The following EPHA4 variants were observed in gnomAD, a reference collection of about 807,000 sequenced individuals.
EPHA4 encodes the protein ephrin type-A receptor 4.
In EPHA4, 19 loss-of-function variants were observed where a neutral mutation model predicts 108.3. The observed-to-expected ratio is 0.18, with a 90% CI of 0.12 to 0.26. The LOEUF (loss-of-function observed/expected upper bound fraction) is 0.26, where lower values mean the gene tolerates loss of function less well. Ranked by LOEUF, EPHA4 falls within the 10% of genes least tolerant of loss-of-function variation. The pLI, the probability that EPHA4 is intolerant of heterozygous loss-of-function variation, is 1.00. For missense variants in EPHA4, 917 were observed against 1,254.0 expected, an observed-to-expected ratio of 0.73 and a Z score of 4.06; for synonymous variants, 449 against 455.5, an observed-to-expected ratio of 0.99 and a Z score of 0.18.
intron 3 of EPHA4, among the ~76,000 whole-genome samples, chr2:221,514,274 G>A (rs9288570): frequency 0.35 from 53,044 of 151,862 alleles, 11,484 homozygotes; most frequent in African/African-American, 0.62. Flanking sequence ...GCCTTTCATA[G>A]GACCACATCC....
chr2:221,500,806 T>C (rs1027047179), intron 4 of EPHA4, among the ~76,000 whole-genome samples: 3 of 152,172 alleles, frequency 2.0e-5, no homozygotes, highest in African/African-American at 7.2e-5. Flanking sequence ...AAGTAGTCTG[T>C]AGGCAGCTGT....
At chr2:221,472,732 G>A (rs1344989710) in intron 5 of EPHA4, among the ~76,000 whole-genome samples, 1 of 152,098 alleles carries the variant, frequency 6.6e-6, no homozygotes, top group Non-Finnish European at 1.5e-5. Flanking sequence ...AAGAGTAACA[G>A]CAAGAATAGA....
chr2:221,553,277 C>A lies in EPHA4; in HGVS notation c.823+10454G>T, dbSNP rs115435477. Reference sequence around the variant, plus strand: ...AGGTATTTCTGGGGATAGTTAGTTGCGAACGGTTATTAAAGGAAGAAGTCA... The same window carrying A: ...AGGTATTTCTGGGGATAGTTAGTTGAGAACGGTTATTAAAGGAAGAAGTCA... On this transcript the variant is annotated intron_variant, in intron 3 of 17. Transcript: ENST00000281821. Among the ~76,000 whole-genome samples, 981 of 152,198 alleles carry A rather than the reference C, an allele frequency of 6.4e-3. 6 individuals are homozygous for A. The highest frequency in any genetic ancestry group is 0.01 in the Non-Finnish European group (687 of 68,008).
chr2:221,507,700 T>C (rs563377886), intron 3 of EPHA4, among the ~76,000 whole-genome samples: 1 of 152,200 alleles, frequency 6.6e-6, no homozygotes, highest in Non-Finnish European at 1.5e-5. Context: ...ATCCCAAGAC[T>C]GAGATAAAGA....
chr2:221,486,768 T>TAATAAC (rs1691986969), intron 4 of EPHA4, among the ~76,000 whole-genome samples: 2 of 148,320 alleles, frequency 1.3e-5, no homozygotes, highest in African/African-American at 4.9e-5. Context: ...ATAATAATAA[T>TAATAAC]AATAATAATT....
chr2:221,432,550 G>T (rs62178655), intron 14 of EPHA4, among the ~76,000 whole-genome samples: 1 of 152,016 alleles, frequency 6.6e-6, no homozygotes, highest in African/African-American at 2.4e-5. Context: ...AGATAATACA[G>T]TGTGAACACT....
chr2:221,494,466 CATGGTGGTGCATGTCTGT>C (rs1481122200), intron 4 of EPHA4, among the ~76,000 whole-genome samples: 1 of 151,980 alleles, frequency 6.6e-6, no homozygotes, highest in Non-Finnish European at 1.5e-5. Flanking sequence ...ATTAGCTGGG[CATGGTGGTGCATGTCTGT>C]AAATCCCAGC....
At chr2:221,431,599 A>G (rs1021350976) in intron 14 of EPHA4, among the ~76,000 whole-genome samples, 2 of 152,150 alleles carry the variant, frequency 1.3e-5, no homozygotes, top group African/African-American at 4.8e-5. Context: ...CAATTACACT[A>G]CGTCAGTTTG....
At chr2:221,520,775 A>G (rs1449218626) in intron 3 of EPHA4, among the ~76,000 whole-genome samples, 2 of 152,220 alleles carry the variant, frequency 1.3e-5, no homozygotes, top group Non-Finnish European at 2.9e-5. Flanking sequence ...CGCTGAACAA[A>G]TGAAAATCAT....
chr2:221,488,460 T>C (rs985327826), intron 4 of EPHA4, among the ~76,000 whole-genome samples: 5 of 152,236 alleles, frequency 3.3e-5, no homozygotes, highest in Admixed American at 3.3e-4. Flanking sequence ...AGTTTCTCAT[T>C]GCTCTGAAAG....
chr2:221,531,023 T>C (rs979645527), intron 3 of EPHA4, among the ~76,000 whole-genome samples: 1 of 152,202 alleles, frequency 6.6e-6, no homozygotes, highest in African/African-American at 2.4e-5. Flanking sequence ...ATCAGCCAAG[T>C]GTACCCAGTT....
chr2:221,432,867 C>T (rs867116890), intron 14 of EPHA4, among the ~76,000 whole-genome samples: 2 of 148,510 alleles, frequency 1.3e-5, no homozygotes, highest in Non-Finnish European at 3.0e-5. Flanking sequence ...CTCTTTCGCC[C>T]AGGCTGGAGT....
At chr2:221,471,739 C>T (rs763548883) in intron 5 of EPHA4, among the ~76,000 whole-genome samples, 4 of 152,126 alleles carry the variant, frequency 2.6e-5, no homozygotes, top group Non-Finnish European at 5.9e-5. Context: ...GTTGACTGTT[C>T]TGTATTGGAG....
rs1358909611 is a variant in EPHA4, at chr2:221,571,774, G to A, written c.91+384C>T. The stretch of plus-strand genomic sequence containing the variant: ...AGCACCAAGCCTTCACTGTGCTCCA[G>A]GCTGCGTTTTCCCCTCGCCCCGGGC... On this transcript the variant is annotated intron_variant, in intron 1 of 17. Transcript: ENST00000281821. This position sits in a 1 kb window ranked among gnomAD's most constrained non-coding sequence, Gnocchi z 6.3. 1.3e-5 allele frequency among the ~76,000 whole-genome samples: 2 copies of A among 152,174 alleles called. No homozygotes were observed. Among genetic ancestry groups the A allele is most frequent in the Non-Finnish European group, 2.9e-5 (2 of 68,026 alleles).
intron 1 of EPHA4, 24 bp downstream of exon 1, chr2:221,572,134 A>G: frequency 6.2e-7 from 1 of 1,605,594 alleles, no homozygotes. Context: ...GTCCCCGACC[A>G]CAGAAAGGCC....
At chr2:221,468,864 A>G (rs933452518) in intron 5 of EPHA4, among the ~76,000 whole-genome samples, 5 of 152,268 alleles carry the variant, frequency 3.3e-5, no homozygotes, top group African/African-American at 1.2e-4. Context: ...TTCAATAAAT[A>G]GATCCACTAT....
intron 16 of EPHA4, 27 bp from the exon 17 acceptor site, chr2:221,426,169 C>A (rs750277371): frequency 2.8e-5 from 44 of 1,589,212 alleles, no homozygotes; most frequent in Non-Finnish European, 3.7e-5. Flanking sequence ...AAAAAAGGGA[C>A]AGAAGAAGTC....
intron 3 of EPHA4, among the ~76,000 whole-genome samples, chr2:221,546,375 C>T (rs1427568904): frequency 6.6e-6 from 1 of 152,150 alleles, no homozygotes; most frequent in Admixed American, 6.5e-5. Context: ...TTAACACTAC[C>T]AAGAAAGTAA....
chr2:221,474,520 A>C (rs1691600192), intron 5 of EPHA4, among the ~76,000 whole-genome samples: 1 of 151,998 alleles, frequency 6.6e-6, no homozygotes, highest in Admixed American at 6.6e-5. Context: ...AGAGCTATTA[A>C]TGAGAAAACC....
Sources: allele counts gnomAD v4.1 joint callset (sites outside exome capture counted in the v4.1 genomes callset), GRCh38; gene constraint gnomAD v4.1.1; non-coding constraint Gnocchi (gnomAD v3.1); transcripts MANE v1.5; gene names NCBI Gene and HGNC (gene_info 2026-07-23, HGNC 2026-07-21).